Variants in DLL4 observed in about 807,000 individuals in gnomAD.
DLL4 encodes the protein delta like canonical Notch ligand 4, also known as delta-like protein 4.
In DLL4, 7 loss-of-function variants were observed where a neutral mutation model predicts 73.6. The observed-to-expected ratio is 0.10, with a 90% CI of 0.05 to 0.18. DLL4 has a LOEUF of 0.18. Among genes scored for constraint, DLL4 ranks in the 10% least tolerant of loss-of-function variants. DLL4 has a pLI of 1.00. For synonymous variants in DLL4, 345 were observed against 374.3 expected (o/e 0.92, Z 0.90); for missense variants, 614 against 929.9 (o/e 0.66, Z 4.42).
intron 6 of DLL4, among the ~76,000 whole-genome samples, chr15:40,933,419 C>A (rs944262972): frequency 6.6e-6 from 1 of 152,170 alleles, no homozygotes; most frequent in African/African-American, 2.4e-5. Flanking sequence ...TATGCAAACA[C>A]AGCACTTGCA....
In DLL4 at chr15:40,930,014, C is replaced by G. The variant is rs368545705; in HGVS notation, c.234C>G (p.Thr78=). ...VVSPGPCTFG[T]VSTPVLGTNS... The stretch of plus-strand genomic sequence containing the variant: ...CGCCCGGACCCTGCACCTTCGGGAC[C>G]GTCTCCACGCCGGTATTGGGCACCA... Residue 78 remains threonine (T), a synonymous_variant, in exon 2 of 11, where the codon ACC becomes ACG. Coordinates refer to ENST00000249749, the MANE Select transcript of DLL4 (RefSeq NM_019074.4). The surrounding 1 kb of genome is among the most constrained non-coding windows in gnomAD (Gnocchi z 5.7). 6.2e-7 allele frequency: 1 copy of G among 1,612,780 alleles called. No homozygotes were observed. Among genetic ancestry groups the G allele is most frequent in the African/African-American group, 1.3e-5 (1 of 74,920 alleles).
At position 40,930,388 on chromosome 15, in the gene DLL4, C is replaced by T; in HGVS notation, c.337-237C>T. 9.5e-6 allele frequency: 6 copies of T among 631,280 alleles called. No individual in the cohort carries two copies. The highest frequency in any genetic ancestry group is 1.7e-5 in the Non-Finnish European group (6 of 354,504). The allele number at this position is 631,280 out of a possible 1,614,324, so 39.1% of individuals were successfully genotyped here. A position where few individuals can be genotyped will look rare whatever the true frequency, so the allele number is the denominator to read the frequency against. Reference sequence around the variant, plus strand: ...CCACTCTGGGGCGGTACCCTACCACCCCCTCCTCCAGTGGCTCTCCCTTAC... The same window carrying T: ...CCACTCTGGGGCGGTACCCTACCACTCCCTCCTCCAGTGGCTCTCCCTTAC... On this transcript the variant is annotated intron_variant, in intron 2 of 10. Coordinates refer to ENST00000249749, the MANE Select transcript of DLL4 (RefSeq NM_019074.4). This position sits in a 1 kb window ranked among gnomAD's most constrained non-coding sequence, Gnocchi z 5.7.
At chr15:40,934,470 G>A in intron 6 of DLL4, 78 bp from the exon 7 acceptor site, 1 of 1,485,210 alleles carries the variant, frequency 6.7e-7, no homozygotes, top group Non-Finnish European at 9.2e-7. Context: ...AAACATGGGG[G>A]CAAACATGGA....
chr15:40,935,535 G>T (rs1020785629), intron 8 of DLL4, among the ~76,000 whole-genome samples: 3 of 152,200 alleles, frequency 2.0e-5, no homozygotes, highest in Non-Finnish European at 4.4e-5. Context: ...GTAGCATGAG[G>T]CATCTTGAAT....
chr15:40,934,476 A>G (rs1892814861), intron 6 of DLL4, 72 bp from the exon 7 acceptor site: 2 of 1,529,280 alleles, frequency 1.3e-6, no homozygotes, highest in East Asian at 2.3e-5. Context: ...GGGGGCAAAC[A>G]TGGACTGCAA....
At position 40,938,467 on chromosome 15, in the gene DLL4, A is replaced by G. The variant is rs976982269; in HGVS notation, c.*433A>G. On this transcript the variant is annotated 3_prime_UTR_variant, in exon 11 of 11. Coordinates refer to ENST00000249749, the MANE Select transcript of DLL4 (RefSeq NM_019074.4). ...CGGCGACAGTTGGGCCCAAATCAGAAAGGAGAGAGGGGGCCAATGAGGGCA... is the reference window on the plus strand; with the variant it reads ...CGGCGACAGTTGGGCCCAAATCAGAGAGGAGAGAGGGGGCCAATGAGGGCA... 1.3e-5 allele frequency: 2 copies of G among 159,072 alleles called. No individual in the cohort carries two copies. The highest frequency in any genetic ancestry group is 4.8e-5 in the African/African-American group (2 of 41,652). 9.9% of individuals were successfully genotyped at this position (159,072 alleles called of 1,614,324 possible).
Position 40,930,258 on chromosome 15 carries a change from C to A in DLL4, c.336+142C>A. ...GGATGCATTCTTTCCTGGCTCTTCC[C>A]GACTCTCTCCTGAGACTGATCCCAG... On this transcript the variant is annotated intron_variant, in intron 2 of 10. Transcript: ENST00000249749. This position sits in a 1 kb window ranked among gnomAD's most constrained non-coding sequence, Gnocchi z 5.7. 9.5e-7 allele frequency: 1 copy of A among 1,049,120 alleles called. No individual in the cohort carries two copies. The highest frequency in any genetic ancestry group is 1.4e-6 in the Non-Finnish European group (1 of 733,410). 65.0% of individuals were successfully genotyped at this position (1,049,120 alleles called of 1,614,324 possible). A position where few individuals can be genotyped will look rare whatever the true frequency, so the allele number is the denominator to read the frequency against.
chr15:40,937,630 C>A, intron 10 of DLL4, 104 bp downstream of exon 10: 2 of 856,722 alleles, frequency 2.3e-6, no homozygotes, highest in South Asian at 1.4e-5. Flanking sequence ...AGAACCCTGC[C>A]TTGGCAGGCC....
At position 40,930,212 on chromosome 15, in the gene DLL4, C is replaced by A. The variant is rs1231707656; in HGVS notation, c.336+96C>A. The A allele has an allele frequency of 1.2e-5, 17 of 1,406,124 alleles. No homozygotes were observed. In the South Asian group the frequency reaches 1.7e-4, roughly 14 times the overall value. 87.1% of individuals were successfully genotyped at this position (1,406,124 alleles called of 1,614,324 possible). A position where few individuals can be genotyped will look rare whatever the true frequency, so the allele number is the denominator to read the frequency against. On this transcript the variant is annotated intron_variant, in intron 2 of 10. Coordinates refer to ENST00000249749, the MANE Select transcript of DLL4 (RefSeq NM_019074.4). This position sits in a 1 kb window ranked among gnomAD's most constrained non-coding sequence, Gnocchi z 5.7. ...CTCCCCAGATTTCCTTGTACACACA[C>A]CCCCACCCCCAAAAAGCCCAGGATG...
rs1409807693 is a variant in DLL4 at position 40,934,737 on chromosome 15, A to G, written c.1020+20A>G. Reference sequence around the variant, plus strand: ...TGTAAGGTGAGGCCCAGACCAGCGCAGGAAGACAGAGGTGTCAGGTGGTGT... The same window carrying G: ...TGTAAGGTGAGGCCCAGACCAGCGCGGGAAGACAGAGGTGTCAGGTGGTGT... On this transcript the variant is annotated intron_variant, in intron 7 of 10. Coordinates refer to ENST00000249749, the MANE Select transcript of DLL4 (RefSeq NM_019074.4). 1.9e-6 allele frequency: 3 copies of G among 1,608,432 alleles called. No homozygotes were observed. In the South Asian group the frequency reaches 3.3e-5, roughly 18 times the overall value.
In DLL4 at chr15:40,931,297, T is replaced by C. The variant is rs982120788; in HGVS notation, c.395-206T>C. On this transcript the variant is annotated intron_variant, in intron 3 of 10. Coordinates refer to ENST00000249749, the MANE Select transcript of DLL4 (RefSeq NM_019074.4). ...CCTTTTTGAATACTATCAGGCCCCC[T>C]GCACATGCACACACGTAGGGCAGCT... The C allele has an allele frequency of 6.5e-5, 40 of 611,686 alleles. No individual in the cohort carries two copies. In the Middle Eastern group the frequency reaches 2.2e-3, roughly 33 times the overall value. 37.9% of individuals were successfully genotyped at this position (611,686 alleles called of 1,614,324 possible). A position where few individuals can be genotyped will look rare whatever the true frequency, so the allele number is the denominator to read the frequency against.
chr15:40,937,076 T>C, intron 9 of DLL4, 146 bp downstream of exon 9: 1 of 683,548 alleles, frequency 1.5e-6, no homozygotes, highest in Admixed American at 3.0e-5. Flanking sequence ...CTGTCAGGGG[T>C]CCTTTGTCCT....
intron 8 of DLL4, among the ~76,000 whole-genome samples, chr15:40,935,397 C>T (rs1892828348): frequency 6.6e-6 from 1 of 152,170 alleles, no homozygotes; most frequent in Admixed American, 6.5e-5. Flanking sequence ...TCTGACCCTC[C>T]CCAGGAAGTC....
At chr15:40,934,007 C>A (rs1402912464) in intron 6 of DLL4, among the ~76,000 whole-genome samples, 2 of 112,990 alleles carry the variant, frequency 1.8e-5, no homozygotes, top group African/African-American at 7.0e-5. Flanking sequence ...CAGAGCAAGA[C>A]TCCGTCTCAA....
chr15:40,933,263 C>T (rs1173302361), intron 6 of DLL4, among the ~76,000 whole-genome samples: 2 of 140,634 alleles, frequency 1.4e-5, no homozygotes, highest in Non-Finnish European at 3.1e-5. Context: ...GATTCAGTCC[C>T]TGTGTTGTGT....
intron 10 of DLL4, 116 bp downstream of exon 10, chr15:40,937,642 A>C: frequency 3.8e-6 from 3 of 787,548 alleles, no homozygotes; most frequent in Non-Finnish European, 4.5e-6. Flanking sequence ...TGGCAGGCCA[A>C]GTTCAGTGGA....
rs1449971456 is a variant in DLL4, at chr15:40,936,564, G to A, written c.1577G>A (p.Ser526Asn). The stretch of plus-strand genomic sequence containing the variant: ...GAGTTCCCCGTGGGCTTGCCGCCCA[G>A]CTTCCCCTGGGTGGCCGTCTCGCTG... ...RCEFPVGLPP[S>N]FPWVAVSLGV... Residue 526 changes from serine to asparagine, a missense_variant, in exon 9 of 11, where the codon AGC becomes AAC. Coordinates refer to ENST00000249749, the MANE Select transcript of DLL4 (RefSeq NM_019074.4). The A allele has an allele frequency of 1.9e-6, 3 of 1,609,640 alleles. No individual in the cohort carries two copies. In the African/African-American group the frequency reaches 4.0e-5, roughly 21 times the overall value.
rs559967752 is a variant in DLL4 at position 40,930,810 on chromosome 15, C to T, written c.394+128C>T. On this transcript the variant is annotated intron_variant, in intron 3 of 10. Transcript: ENST00000249749. This position sits in a 1 kb window ranked among gnomAD's most constrained non-coding sequence, Gnocchi z 5.7. ...GGACGCTTAGCTTGGCCTGGAGCTG[C>T]GCCCCGCGCTGGACGCTCGGATTCC... 2 of 947,004 alleles carry T rather than the reference C, an allele frequency of 2.1e-6. No homozygotes were observed. The highest frequency in any genetic ancestry group is 3.2e-6 in the Non-Finnish European group (2 of 619,896). 58.7% of individuals were successfully genotyped at this position (947,004 alleles called of 1,614,324 possible). A position where few individuals can be genotyped will look rare whatever the true frequency, so the allele number is the denominator to read the frequency against.
rs374717233 is a variant in DLL4, at chr15:40,936,373, C to T, written c.1386C>T (p.Leu462=). The change falls in exon 9 of 11, where the codon CTC becomes CTT. Residue 462 remains leucine (L), a synonymous_variant. Transcript: ENST00000249749. ...GGTCHDLENG[L]MCTCPAGFSG... Reference sequence around the variant, plus strand: ...CTTGCCATGACCTGGAGAATGGGCTCATGTGCACCTGCCCTGCCGGCTTCT... The same window carrying T: ...CTTGCCATGACCTGGAGAATGGGCTTATGTGCACCTGCCCTGCCGGCTTCT... 5.9e-5 allele frequency: 95 copies of T among 1,611,468 alleles called. No individual in the cohort carries two copies. The African/African-American group carries it at 1.2e-3, about 20-fold the overall frequency.
Sources: allele counts gnomAD v4.1 joint callset (sites outside exome capture counted in the v4.1 genomes callset), GRCh38; gene constraint gnomAD v4.1.1; non-coding constraint Gnocchi (gnomAD v3.1); transcripts MANE v1.5; gene names NCBI Gene and HGNC (gene_info 2026-07-23, HGNC 2026-07-21).